The following OR52N2 variants were observed in gnomAD, a reference collection of about 807,000 sequenced individuals.
The protein encoded by OR52N2 is olfactory receptor 52N2.
For missense variants in OR52N2, 326 were observed against 196.6 expected (o/e 1.66, Z -3.94); for synonymous variants, 129 against 72.0 (o/e 1.79, Z -4.01).
At chr11:5,817,625 T>C (rs893234094) in intron 1 of OR52N2, among the ~76,000 whole-genome samples, 2 of 152,300 alleles carry the variant, frequency 1.3e-5, no homozygotes, top group East Asian at 3.9e-4. Flanking sequence ...AGAAGGTATA[T>C]AATAGTATTC....
chr11:5,820,560 G>C lies in OR52N2; in HGVS notation c.225G>C (p.Leu75Phe). Residue 75 changes from leucine to phenylalanine, a missense_variant, in exon 2 of 2, where the codon TTG (leucine) becomes TTC (phenylalanine). Transcript: ENST00000317037. ...LALLSFTDVTLCTTMVPNMLC... is the reference protein window; with the variant it reads ...LALLSFTDVTFCTTMVPNMLC... ...TGCTCTCCTTCACTGATGTCACCTT[G>C]TGCACCACCATGGTACCTAATATGC... The C allele has an allele frequency of 2.6e-6, 2 of 780,606 alleles. No homozygotes were observed. Among genetic ancestry groups the C allele is most frequent in the Non-Finnish European group, 4.8e-6 (2 of 418,034 alleles). 48.4% of individuals were successfully genotyped at this position (780,606 alleles called of 1,614,324 possible).
chr11:5,820,498 G>C lies in OR52N2; in HGVS notation c.163G>C (p.Glu55Gln), dbSNP rs1420877143. 1 of 778,882 alleles carries C rather than the reference G, an allele frequency of 1.3e-6. No homozygotes were observed. Among genetic ancestry groups the C allele is most frequent in the Non-Finnish European group, 2.4e-6 (1 of 417,008 alleles). 48.2% of individuals were successfully genotyped at this position (778,882 alleles called of 1,614,324 possible). Reference sequence around the variant, plus strand: ...GCTCATCTGCCTCATCAGCCATGAGGAGGCCCTGCACCGGCCCATGTACTA... The same window carrying C: ...GCTCATCTGCCTCATCAGCCATGAGCAGGCCCTGCACCGGCCCATGTACTA... Reference protein sequence around the residue: ...CGLICLISHEEALHRPMYYFL... With the variant: ...CGLICLISHEQALHRPMYYFL... Residue 55 changes from glutamate to glutamine, a missense_variant, in exon 2 of 2, where the codon GAG becomes CAG. Physicochemically the swap from Glu to Gln is conservative, Grantham distance 29. Coordinates refer to ENST00000317037, the MANE Select transcript of OR52N2 (RefSeq NM_001005174.3).
chr11:5,820,290 C>T lies in OR52N2; in HGVS notation c.-46C>T, dbSNP rs1846435483. 1 of 764,052 alleles carries T rather than the reference C, an allele frequency of 1.3e-6. No individual in the cohort carries two copies. The highest frequency in any genetic ancestry group is 1.7e-5 in the African/African-American group (1 of 58,730). The allele number at this position is 764,052 out of a possible 1,614,324, so 47.3% of individuals were successfully genotyped here. The stretch of plus-strand genomic sequence containing the variant: ...CCCTCTCCCTCTCCTAGGCAGAAAG[C>T]AATGGCTGCTAAAGAGTATAAAATG... On this transcript the variant is annotated 5_prime_UTR_variant, in exon 2 of 2. The change creates a premature stop within an existing upstream ORF in the 5' untranslated region. Coordinates refer to ENST00000317037, the MANE Select transcript of OR52N2 (RefSeq NM_001005174.3).
chr11:5,809,132 G>C (rs981614909), intron 1 of OR52N2, among the ~76,000 whole-genome samples, 78 bp downstream of exon 1: 1 of 152,176 alleles, frequency 6.6e-6, no homozygotes, highest in Non-Finnish European at 1.5e-5. Flanking sequence ...GTGTAAAAAT[G>C]CTCTAGGAAT....
intron 1 of OR52N2, among the ~76,000 whole-genome samples, chr11:5,811,439 G>A (rs1262175496): frequency 6.6e-6 from 1 of 152,106 alleles, no homozygotes; most frequent in Admixed American, 6.5e-5. Context: ...TAAAATATCA[G>A]GGAGAGTTGA....
intron 1 of OR52N2, among the ~76,000 whole-genome samples, chr11:5,817,739 C>T (rs1418062130): frequency 3.3e-5 from 5 of 152,004 alleles, no homozygotes; most frequent in Non-Finnish European, 7.4e-5. Context: ...ATTGTGCATG[C>T]CTTTTGAGCC....
chr11:5,818,191 A>G (rs1846418694), intron 1 of OR52N2, among the ~76,000 whole-genome samples: 1 of 152,168 alleles, frequency 6.6e-6, no homozygotes, highest in East Asian at 1.9e-4. Context: ...CAAATTTTCT[A>G]TATTAAAGAC....
rs1477198753 is a variant in OR52N2, at chr11:5,821,381, A to G, written c.*80A>G. The G allele has an allele frequency of 4.1e-5, 27 of 662,156 alleles. No homozygotes were observed. In the Admixed American group the frequency reaches 6.3e-4, roughly 15 times the overall value. 41.0% of individuals were successfully genotyped at this position (662,156 alleles called of 1,614,324 possible). A position where few individuals can be genotyped will look rare whatever the true frequency, so the allele number is the denominator to read the frequency against. ...TCATAAAAGATGTGAATAAAATGGT[A>G]TTAAAATCATGACATGTAATTTACC... On this transcript the variant is annotated 3_prime_UTR_variant, in exon 2 of 2. Transcript: ENST00000317037.
At chr11:5,809,498 A>G (rs1846335086) in intron 1 of OR52N2, among the ~76,000 whole-genome samples, 1 of 152,178 alleles carries the variant, frequency 6.6e-6, no homozygotes, top group Admixed American at 6.5e-5. Flanking sequence ...AACAGATGTG[A>G]GTTATTGATT....
intron 1 of OR52N2, among the ~76,000 whole-genome samples, chr11:5,813,831 T>C (rs1846382188): frequency 6.6e-6 from 1 of 152,222 alleles, no homozygotes; most frequent in African/African-American, 2.4e-5. Context: ...CATGATCACT[T>C]GGGCTTTATC....
rs1489319973 is a variant in OR52N2 at position 5,820,340 on chromosome 11, C to G, written c.5C>G (p.Ser2Cys). The change falls in exon 2 of 2, where the codon TCT becomes TGT. Residue 2 changes from serine to cysteine, a missense_variant. Physicochemically the swap from Ser to Cys is moderately radical, Grantham distance 112. Coordinates refer to ENST00000317037, the MANE Select transcript of OR52N2 (RefSeq NM_001005174.3). M[S>C]GDNSSSLTPG... ...GCTCTCCTCCTGTCAGCCATCATGT[C>G]TGGGGACAACAGCTCCAGCCTGACC... The G allele has an allele frequency of 1.3e-6, 1 of 780,402 alleles. No homozygotes were observed. Among genetic ancestry groups the G allele is most frequent in the African/African-American group, 1.7e-5 (1 of 59,082 alleles). 48.3% of individuals were successfully genotyped at this position (780,402 alleles called of 1,614,324 possible). A position where few individuals can be genotyped will look rare whatever the true frequency, so the allele number is the denominator to read the frequency against.
rs1846381729 is a variant in OR52N2 at position 5,813,778 on chromosome 11, TTC to T, written c.-55+4726_-55+4727del. The stretch of plus-strand genomic sequence containing the variant: ...AACAGATGCAAAAATCCTCAACAAA[TTC>T]TAGTGAACCGAATCAACAGCACAGT... On this transcript the variant is annotated intron_variant, in intron 1 of 1. Transcript: ENST00000317037. Among the ~76,000 whole-genome samples the T allele has an allele frequency of 2.6e-5, 4 of 152,050 alleles. No homozygotes were observed. In the South Asian group the frequency reaches 8.3e-4, roughly 32 times the overall value.
chr11:5,811,801 C>T (rs1352494595), intron 1 of OR52N2, among the ~76,000 whole-genome samples: 1 of 152,088 alleles, frequency 6.6e-6, no homozygotes, highest in Non-Finnish European at 1.5e-5. Flanking sequence ...ATAGAAGACC[C>T]AACTATTTGC....
intron 1 of OR52N2, among the ~76,000 whole-genome samples, chr11:5,818,607 T>C (rs1277127604): frequency 6.8e-6 from 1 of 146,842 alleles, no homozygotes; most frequent in Non-Finnish European, 1.5e-5. Flanking sequence ...TGGCAAAGAA[T>C]GCAACAGCCT....
intron 1 of OR52N2, among the ~76,000 whole-genome samples, chr11:5,815,897 CATGTGTGTATAT>C (rs781347634): frequency 6.7e-6 from 1 of 150,362 alleles, no homozygotes; most frequent in Non-Finnish European, 1.5e-5. Context: ...TGTGTATATA[CATGTGTGTATAT>C]ACGTGTGTAT....
At chr11:5,816,965 T>G (rs999855148) in intron 1 of OR52N2, among the ~76,000 whole-genome samples, 1 of 152,258 alleles carries the variant, frequency 6.6e-6, no homozygotes, top group Non-Finnish European at 1.5e-5. Context: ...TTTGTGTGTA[T>G]TCTATTGTTT....
chr11:5,813,231 A>G (rs1051692834), intron 1 of OR52N2, among the ~76,000 whole-genome samples: 2 of 149,288 alleles, frequency 1.3e-5, no homozygotes, highest in Admixed American at 6.7e-5. Context: ...AATGAAATAG[A>G]AATTATAAAA....
Position 5,820,551 on chromosome 11 carries a change from T to C in OR52N2, c.216T>C (p.Asp72=). 1 of 780,296 alleles carries C rather than the reference T, an allele frequency of 1.3e-6. No individual in the cohort carries two copies. The highest frequency in any genetic ancestry group is 2.4e-6 in the Non-Finnish European group (1 of 417,770). 48.3% of individuals were successfully genotyped at this position (780,296 alleles called of 1,614,324 possible). ...TCCTGGCCCTGCTCTCCTTCACTGA[T>C]GTCACCTTGTGCACCACCATGGTAC... ...YYFLALLSFT[D]VTLCTTMVPN... Residue 72 remains aspartate, a synonymous_variant, in exon 2 of 2, where the codon GAT becomes GAC. Coordinates refer to ENST00000317037, the MANE Select transcript of OR52N2 (RefSeq NM_001005174.3).
At chr11:5,812,750 A>G (rs1242139893) in intron 1 of OR52N2, among the ~76,000 whole-genome samples, 2 of 152,054 alleles carry the variant, frequency 1.3e-5, no homozygotes, top group East Asian at 3.9e-4. Context: ...TAGATAATCA[A>G]CAAGGAAACA....
Sources: allele counts gnomAD v4.1 joint callset (sites outside exome capture counted in the v4.1 genomes callset), GRCh38; gene constraint gnomAD v4.1.1; transcripts MANE v1.5; gene names NCBI Gene and HGNC (gene_info 2026-07-23, HGNC 2026-07-21).